NTRK1: variants seen among roughly 807,000 people sequenced by gnomAD.
The protein encoded by NTRK1 is neurotrophic receptor tyrosine kinase 1.
Under a neutral mutation model 86.8 loss-of-function variants are expected in NTRK1, and 62 were observed. The observed-to-expected ratio is 0.71, with a 90% CI of 0.58 to 0.88. The LOEUF (loss-of-function observed/expected upper bound fraction) is 0.88. Among genes scored for constraint, NTRK1 ranks in the 40% least tolerant of loss-of-function variants. The pLI, the probability that NTRK1 is intolerant of heterozygous loss-of-function variation, is 0.00. For missense variants in NTRK1, 967 were observed against 1,078.4 expected, an observed-to-expected ratio of 0.90 and a Z score of 1.45; for synonymous variants, 469 against 456.6, an observed-to-expected ratio of 1.03 and a Z score of -0.35.
chr1:156,839,587 GAC>G (rs1654700937), intron 1 of NTRK1, among the ~76,000 whole-genome samples: 1 of 152,224 alleles, frequency 6.6e-6, no homozygotes, highest in East Asian at 1.9e-4. Flanking sequence ...CAGGGTGCCA[GAC>G]ACACAGACCC....
At chr1:156,831,915 A>G (rs74118772) in intron 1 of NTRK1, among the ~76,000 whole-genome samples, 1,734 of 152,226 alleles carry the variant, frequency 0.011, 25 homozygotes, top group African/African-American at 0.04. Context: ...CATGGCAGTC[A>G]GGCCTCCAGA....
intron 14 of NTRK1, among the ~76,000 whole-genome samples, chr1:156,878,001 G>T (rs7530799): frequency 0.053 from 8,088 of 152,308 alleles, 659 homozygotes; most frequent in African/African-American, 0.18. Context: ...CATAGGCTCA[G>T]TGCTGGTCTT....
At chr1:156,834,882 A>T (rs1332385642) in intron 1 of NTRK1, among the ~76,000 whole-genome samples, 1 of 151,860 alleles carries the variant, frequency 6.6e-6, no homozygotes, top group Admixed American at 6.6e-5. Flanking sequence ...GAATTTGGGG[A>T]AGGCCTCAAG....
chr1:156,815,856 T>A (rs371878969), intron 1 of NTRK1: 5 of 1,580,976 alleles, frequency 3.2e-6, no homozygotes, highest in Non-Finnish European at 4.3e-6. Context: ...TCATTTTCGT[T>A]CTCTCTCTCT....
At chr1:156,865,176 A>G (rs1184936925) in intron 3 of NTRK1, 2 of 305,064 alleles carry the variant, frequency 6.6e-6, no homozygotes, top group Non-Finnish European at 1.3e-5. Flanking sequence ...GGCCCCTAGG[A>G]CATCCTGGGA....
chr1:156,849,559 C>A, intron 2 of NTRK1: 1 of 881,240 alleles, frequency 1.1e-6, no homozygotes, highest in South Asian at 1.6e-5. Flanking sequence ...TTTGCTGGGC[C>A]CGGGGAGAGG....
chr1:156,816,168 C>T lies in NTRK1; in HGVS notation c.-64+330C>T, dbSNP rs1029330461. The T allele has an allele frequency of 1.4e-5, 21 of 1,519,272 alleles. No homozygotes were observed. The African/African-American group carries it at 2.1e-4, about 15-fold the overall frequency. The allele number at this position is 1,519,272 out of a possible 1,614,324, so 94.1% of individuals were successfully genotyped here. A position where few individuals can be genotyped will look rare whatever the true frequency, so the allele number is the denominator to read the frequency against. ...CTGTCTCTGCCTCCCACCCCTCCTC[C>T]CAGGCTCAGGGGATCTGGAGGGCTG... On this transcript the variant is annotated intron_variant, in intron 1 of 16. Coordinates refer to the NTRK1 transcript ENST00000392302.
intron 2 of NTRK1, among the ~76,000 whole-genome samples, chr1:156,853,119 T>A (rs1011894185): frequency 6.6e-6 from 1 of 152,110 alleles, no homozygotes; most frequent in African/African-American, 2.4e-5. Context: ...ATCCTAAAGG[T>A]CCCACCTTAC....
intron 4 of NTRK1, among the ~76,000 whole-genome samples, chr1:156,867,804 G>T (rs1341850331): frequency 1.3e-5 from 2 of 152,046 alleles, no homozygotes; most frequent in Non-Finnish European, 2.9e-5. Context: ...CTCCTGAGTA[G>T]GTGGGACTAC....
chr1:156,864,677 G>A, intron 2 of NTRK1, 51 bp from the exon 3 acceptor site: 8 of 1,592,810 alleles, frequency 5.0e-6, no homozygotes, highest in Non-Finnish European at 6.0e-6. Flanking sequence ...GAGGGCCAGG[G>A]GCCCAGAGTA....
chr1:156,816,541 C>T, intron 1 of NTRK1: 2 of 748,588 alleles, frequency 2.7e-6, no homozygotes, highest in Non-Finnish European at 4.3e-6. Flanking sequence ...GTCACCCTGC[C>T]AATCAGCTTT....
At chr1:156,817,575 A>G (rs1353377116) in intron 1 of NTRK1, among the ~76,000 whole-genome samples, 2 of 152,006 alleles carry the variant, frequency 1.3e-5, no homozygotes, top group Non-Finnish European at 2.9e-5. Context: ...GAATTCCTCC[A>G]GCTAAGCAGG....
chr1:156,858,999 C>G (rs1655510920), upstream of NTRK1: 1 of 210,962 alleles, frequency 4.7e-6, no homozygotes, highest in Non-Finnish European at 9.8e-6. Flanking sequence ...GGGGACCGCT[C>G]CCAAGGAGGG....
chr1:156,824,914 G>A (rs1654281079), intron 1 of NTRK1, among the ~76,000 whole-genome samples: 1 of 152,068 alleles, frequency 6.6e-6, no homozygotes, highest in African/African-American at 2.4e-5. Context: ...TTTTGAGACA[G>A]AGTTTCTCTC....
Position 156,864,781 on chromosome 1 carries a change from C to T in NTRK1, c.341C>T (p.Thr114Ile). ...GTGGCGCCAGATGCCTTCCATTTCA[C>T]TCCTCGGCTCAGTCGCCTGTGAGTG... ...RFVAPDAFHF[T>I]PRLSRLNLSF... Residue 114 changes from threonine to isoleucine, a missense_variant, in exon 3 of 17, where the codon ACT becomes ATT. Coordinates refer to ENST00000524377, the MANE Select transcript of NTRK1 (RefSeq NM_002529.4). 1 of 1,613,984 alleles carries T rather than the reference C, an allele frequency of 6.2e-7. No homozygotes were observed. Among genetic ancestry groups the T allele is most frequent in the Non-Finnish European group, 8.5e-7 (1 of 1,179,964 alleles).
chr1:156,850,666 T>C (rs908298067), intron 2 of NTRK1, among the ~76,000 whole-genome samples: 6 of 145,704 alleles, frequency 4.1e-5, no homozygotes, highest in Admixed American at 2.1e-4. Context: ...ACAATTCTCC[T>C]GCCTCAGCCT....
intron 2 of NTRK1, among the ~76,000 whole-genome samples, chr1:156,847,574 G>A (rs975627198): frequency 2.0e-5 from 3 of 152,196 alleles, no homozygotes; most frequent in African/African-American, 7.2e-5. Flanking sequence ...AAACTTGAGG[G>A]AGGTCAAATT....
At chr1:156,825,010 C>T (rs1654283485) in intron 1 of NTRK1, among the ~76,000 whole-genome samples, 1 of 152,240 alleles carries the variant, frequency 6.6e-6, no homozygotes, top group African/African-American at 2.4e-5. Flanking sequence ...CTGCCTCAGC[C>T]TCCCAAGTAG....
intron 2 of NTRK1, among the ~76,000 whole-genome samples, chr1:156,855,209 T>TATCTATCTATCTATCTA (rs1441512082): frequency 1.1e-4 from 16 of 152,044 alleles, no homozygotes; most frequent in Admixed American, 6.5e-4. Context: ...TCTATCTATC[T>TATCTATCTATCTATCTA]ATTTATTTAT....
Sources: gnomAD v4.1 joint callset for allele counts (sites outside exome capture counted in the v4.1 genomes callset) on GRCh38, gnomAD v4.1.1 for gene constraint, MANE v1.5 for transcripts, NCBI Gene and HGNC (gene_info 2026-07-23, HGNC 2026-07-21) for gene names.